The following CENPS variants were observed in gnomAD, a reference collection of about 807,000 sequenced individuals.
CENPS encodes the protein FANCM associated histone fold protein 1.
Under a neutral mutation model 17.9 loss-of-function variants are expected in CENPS, and 16 were observed. The ratio of observed to expected loss-of-function variants is 0.90; its 90% CI spans 0.61 to 1.36. The LOEUF is 1.36. CENPS is among the 40% of genes most tolerant of loss of function. The pLI is 0.00. For synonymous variants in CENPS, 49 were observed against 55.8 expected (o/e 0.88, Z 0.54); for missense variants, 160 against 158.6 (o/e 1.01, Z -0.05).
At chr1:10,441,239 C>T (rs1007137931) in intron 4 of CENPS, among the ~76,000 whole-genome samples, 1 of 147,532 alleles carries the variant, frequency 6.8e-6, no homozygotes, top group African/African-American at 2.5e-5. Context: ...CCAGGCTGGT[C>T]TTGAACTCCT....
At position 10,440,422 on chromosome 1, in the gene CENPS, T is replaced by C; in HGVS notation, c.276+9T>C. On this transcript the variant is annotated intron_variant, in intron 4 of 4. Transcript: ENST00000309048. ...GGAGGAGTAATTCACTGGTGAGAGA[T>C]GAATTTCTTTCCTCACTCCCCTTTC... is the stretch of plus-strand genomic sequence containing the variant. 1 of 1,613,716 alleles carries C rather than the reference T, an allele frequency of 6.2e-7. No homozygotes were observed. Among genetic ancestry groups the C allele is most frequent in the Non-Finnish European group, 8.5e-7 (1 of 1,179,896 alleles).
At chr1:10,435,162 G>T (rs78816278) in intron 3 of CENPS, among the ~76,000 whole-genome samples, 2 of 152,180 alleles carry the variant, frequency 1.3e-5, no homozygotes, top group Non-Finnish European at 2.9e-5. Flanking sequence ...CGAGTAAGAC[G>T]CACTCCTTGG....
chr1:10,442,416 C>T lies in CENPS; in HGVS notation c.*11C>T, dbSNP rs374660128. On this transcript the variant is annotated 3_prime_UTR_variant, in exon 5 of 5. Coordinates refer to ENST00000309048, the MANE Select transcript of CENPS (RefSeq NM_199294.3). ...GAAAGTGAGAATTAAAGTCCCTCGC[C>T]GCTTGGAAAGTGCAGCCTTCTACAG... The T allele has an allele frequency of 8.7e-5, 136 of 1,561,926 alleles. 2 individuals carry two copies. In the South Asian group the frequency reaches 1.1e-3, roughly 12 times the overall value.
chr1:10,430,695 G>T, intron 1 of CENPS, 127 bp downstream of exon 1: 11 of 1,383,042 alleles, frequency 8.0e-6, no homozygotes, highest in Non-Finnish European at 1.0e-5. Context: ...CCGCGGCTGC[G>T]CATGCGTTGG....
chr1:10,435,736 C>T (rs967740081), intron 3 of CENPS, among the ~76,000 whole-genome samples: 4 of 107,576 alleles, frequency 3.7e-5, no homozygotes, highest in Non-Finnish European at 6.0e-5. Flanking sequence ...CACACACACA[C>T]ATATACATAA....
At chr1:10,440,557 T>A in intron 4 of CENPS, 144 bp downstream of exon 4, 1 of 1,097,364 alleles carries the variant, frequency 9.1e-7, no homozygotes, top group Non-Finnish European at 1.3e-6. Flanking sequence ...CTGCCTGTAA[T>A]TTACAGTCTT....
chr1:10,442,575 G>T lies in CENPS; in HGVS notation c.*170G>T, dbSNP rs1039166153. The T allele has an allele frequency of 1.7e-6, 2 of 1,168,772 alleles. No homozygotes were observed. Among genetic ancestry groups the T allele is most frequent in the Admixed American group, 8.2e-5 (2 of 24,378 alleles). The allele number at this position is 1,168,772 out of a possible 1,614,324, so 72.4% of individuals were successfully genotyped here. ...ATTCTCCACATTGTTAACTGCCAAA[G>T]CTAGTTTTAGAGAATGAGAAAGTCT... On this transcript the variant is annotated 3_prime_UTR_variant, in exon 5 of 5. Coordinates refer to ENST00000309048, the MANE Select transcript of CENPS (RefSeq NM_199294.3).
chr1:10,432,495 A>G (rs1331769501), intron 1 of CENPS, among the ~76,000 whole-genome samples: 1 of 152,174 alleles, frequency 6.6e-6, no homozygotes, highest in East Asian at 1.9e-4. Flanking sequence ...ATTAGCTTGT[A>G]GACGATTTCC....
intron 3 of CENPS, among the ~76,000 whole-genome samples, chr1:10,439,736 G>A (rs1640328291): frequency 6.6e-6 from 1 of 151,250 alleles, no homozygotes; most frequent in Admixed American, 6.6e-5. Flanking sequence ...ACGAGACTCT[G>A]TCTCAAAAAA....
chr1:10,433,717 A>G, intron 1 of CENPS, 125 bp from the exon 2 acceptor site: 1 of 1,505,688 alleles, frequency 6.6e-7, no homozygotes. Context: ...AAAGCCACTC[A>G]GCCATTATGG....
chr1:10,436,421 G>C (rs997378862), intron 3 of CENPS, among the ~76,000 whole-genome samples: 1 of 151,502 alleles, frequency 6.6e-6, no homozygotes, highest in African/African-American at 2.4e-5. Flanking sequence ...GTTTGTGGAG[G>C]CCGGGCGCCG....
chr1:10,435,440 C>T (rs1177727731), intron 3 of CENPS, among the ~76,000 whole-genome samples: 1 of 151,846 alleles, frequency 6.6e-6, no homozygotes. Flanking sequence ...TGAATTAAAG[C>T]AGTGGGTTCT....
At chr1:10,433,371 C>G (rs564192828) in intron 1 of CENPS, among the ~76,000 whole-genome samples, 1 of 152,142 alleles carries the variant, frequency 6.6e-6, no homozygotes, top group Non-Finnish European at 1.5e-5. Context: ...TCCTCTGTGA[C>G]GTGCAGGCCT....
intron 3 of CENPS, among the ~76,000 whole-genome samples, chr1:10,439,035 T>G (rs1161689941): frequency 6.6e-6 from 1 of 152,202 alleles, no homozygotes; most frequent in Non-Finnish European, 1.5e-5. Flanking sequence ...GGTTGCTAAT[T>G]AGAAAATTAT....
chr1:10,439,847 T>C (rs1191140748), intron 3 of CENPS, among the ~76,000 whole-genome samples: 1 of 152,202 alleles, frequency 6.6e-6, no homozygotes, highest in Non-Finnish European at 1.5e-5. Context: ...TGCCTGCATA[T>C]GCTTTTTCCT....
intron 1 of CENPS, 101 bp downstream of exon 1, chr1:10,430,669 C>T (rs1264985143): frequency 9.0e-6 from 13 of 1,441,976 alleles, no homozygotes; most frequent in African/African-American, 3.1e-5. Context: ...ATCGGCACCC[C>T]GCCCCCGGGC....
intron 1 of CENPS, chr1:10,430,827 A>G: frequency 7.5e-7 from 1 of 1,341,784 alleles, no homozygotes; most frequent in South Asian, 1.9e-5. Context: ...TCCGGCGGCG[A>G]GAGGCCACCT....
intron 1 of CENPS, chr1:10,430,999 T>A: frequency 1.5e-6 from 2 of 1,290,480 alleles, no homozygotes; most frequent in East Asian, 7.4e-5. Context: ...TCGTTACTGA[T>A]GCAGGGACGC....
intron 3 of CENPS, among the ~76,000 whole-genome samples, chr1:10,436,579 G>A (rs545542230): frequency 6.6e-6 from 1 of 151,206 alleles, no homozygotes; most frequent in African/African-American, 2.4e-5. Context: ...GGCAGCATGC[G>A]CCTGTAATCT....
Sources: allele counts gnomAD v4.1 joint callset (sites outside exome capture counted in the v4.1 genomes callset), GRCh38; gene constraint gnomAD v4.1.1; transcripts MANE v1.5; gene names NCBI Gene and HGNC (gene_info 2026-07-23, HGNC 2026-07-21).